ZNF789: variants seen among roughly 807,000 people sequenced by gnomAD.
The protein encoded by ZNF789 is zinc finger protein 789.
In ZNF789, 11 loss-of-function variants were observed where a neutral mutation model predicts 15.6. That is an observed-to-expected ratio of 0.70 (90% CI 0.44 to 1.16). The LOEUF (loss-of-function observed/expected upper bound fraction) is 1.16. ZNF789 is among the 50% of genes most tolerant of loss of function. ZNF789 has a pLI of 0.00. For synonymous variants in ZNF789, 159 were observed against 176.0 expected (o/e 0.90, Z 0.76); for missense variants, 461 against 512.6 (o/e 0.90, Z 0.97).
intron 4 of ZNF789, chr7:99,485,178 C>G (rs1341312667): frequency 3.9e-6 from 6 of 1,535,566 alleles, no homozygotes; most frequent in Non-Finnish European, 5.2e-6. Flanking sequence ...GACATATCTG[C>G]ATTTTTCTAC....
chr7:99,481,460 CTTCT>C (rs1436576606), intron 3 of ZNF789: 1 of 151,780 alleles, frequency 6.6e-6, no homozygotes, highest in African/African-American at 2.4e-5. Flanking sequence ...TTTTAGAGTG[CTTCT>C]TTTTTTTTTT....
chr7:99,478,449 G>A lies in ZNF789; in HGVS notation c.25-1212G>A. 6 of 1,019,356 alleles carry A rather than the reference G, an allele frequency of 5.9e-6. No homozygotes were observed. In the South Asian group the frequency reaches 7.9e-5, roughly 13 times the overall value. The allele number at this position is 1,019,356 out of a possible 1,614,324, so 63.1% of individuals were successfully genotyped here. On this transcript the variant is annotated intron_variant, in intron 2 of 4. Coordinates refer to ENST00000331410, the MANE Select transcript of ZNF789 (RefSeq NM_213603.3). Reference sequence around the variant, plus strand: ...ATTTGGGAGGTTCTGGTGCCTGCCTGCAGAGGGGAGCTACGTGAAGCTTCT... The same window carrying A: ...ATTTGGGAGGTTCTGGTGCCTGCCTACAGAGGGGAGCTACGTGAAGCTTCT...
chr7:99,476,351 C>T, intron 1 of ZNF789, 52 bp from the exon 2 acceptor site: 1 of 1,384,066 alleles, frequency 7.2e-7, no homozygotes, highest in Non-Finnish European at 9.9e-7. Context: ...GATCTGCCAA[C>T]CAAGAGAGCT....
At chr7:99,473,679 G>A (rs541842480) in intron 1 of ZNF789, among the ~76,000 whole-genome samples, 6 of 152,308 alleles carry the variant, frequency 3.9e-5, no homozygotes, top group South Asian at 2.1e-4. Flanking sequence ...GGAGTACAAT[G>A]GGCCAATCTC....
intron 3 of ZNF789, chr7:99,482,289 G>T: frequency 1.3e-6 from 1 of 769,116 alleles, no homozygotes; most frequent in South Asian, 1.4e-5. Context: ...TATGAACATT[G>T]TTCAGGCTTT....
chr7:99,484,626 AATAT>A (rs139088086), intron 4 of ZNF789, among the ~76,000 whole-genome samples: 1 of 151,006 alleles, frequency 6.6e-6, no homozygotes, highest in Non-Finnish European at 1.5e-5. Flanking sequence ...TCAATTAAAA[AATAT>A]ATATATATAT....
At chr7:99,476,289 G>T in intron 1 of ZNF789, 114 bp from the exon 2 acceptor site, 1 of 618,542 alleles carries the variant, frequency 1.6e-6, no homozygotes, top group East Asian at 3.2e-5. Flanking sequence ...ACCAAACACA[G>T]GGACTTTGTA....
chr7:99,487,444 T>A lies in ZNF789; in HGVS notation c.1234T>A (p.Phe412Ile), dbSNP rs1156662187. The change falls in exon 5 of 5, where the codon TTT becomes ATT. Residue 412 changes from phenylalanine to isoleucine, a missense_variant. Transcript: ENST00000331410. ...AAAATCTTTCAAGTGGCACACAAGC[T>A]TTATTAAGCACCAGGGCACTCACAA... ...CGKSFKWHTS[F>I]IKHQGTHKGQ... 6.2e-7 allele frequency: 1 copy of A among 1,614,202 alleles called. No homozygotes were observed. Among genetic ancestry groups the A allele is most frequent in the Admixed American group, 1.7e-5 (1 of 60,020 alleles).
intron 2 of ZNF789, chr7:99,478,279 G>T (rs1055247081): frequency 1.6e-6 from 2 of 1,289,110 alleles, no homozygotes; most frequent in African/African-American, 3.0e-5. Flanking sequence ...TGCAGGTGCG[G>T]GAATGCAGAT....
intron 4 of ZNF789, chr7:99,485,249 C>T: frequency 6.5e-7 from 1 of 1,532,836 alleles, no homozygotes. Context: ...CTCCATGGCA[C>T]TACTGACGTT....
intron 4 of ZNF789, among the ~76,000 whole-genome samples, chr7:99,484,352 G>A (rs555948724): frequency 5.3e-5 from 8 of 152,334 alleles, no homozygotes; most frequent in East Asian, 1.9e-4. Flanking sequence ...TTGGCTGGAC[G>A]CGGTGGCGCA....
At chr7:99,484,537 C>T (rs532727379) in intron 4 of ZNF789, among the ~76,000 whole-genome samples, 229 of 151,894 alleles carry the variant, frequency 1.5e-3, no homozygotes, top group African/African-American at 4.1e-3. Context: ...GGAGAATCAC[C>T]GGAACCTGGG....
intron 2 of ZNF789, chr7:99,478,205 G>C (rs1799432598): frequency 9.1e-7 from 1 of 1,102,504 alleles, no homozygotes; most frequent in African/African-American, 1.6e-5. Flanking sequence ...GTTAGGAGAG[G>C]AGTTACCATG....
intron 4 of ZNF789, among the ~76,000 whole-genome samples, chr7:99,484,416 A>G (rs1799806228): frequency 6.6e-6 from 1 of 152,094 alleles, no homozygotes; most frequent in Non-Finnish European, 1.5e-5. Context: ...TGAGGCCAGG[A>G]CTAGACCAGC....
intron 3 of ZNF789, 159 bp downstream of exon 3, chr7:99,479,946 G>A: frequency 1.0e-6 from 1 of 961,806 alleles, no homozygotes; most frequent in Middle Eastern, 2.9e-4. Context: ...CATCACCACA[G>A]TGAAACCTGA....
chr7:99,478,350 G>A (rs1294840385), intron 2 of ZNF789: 6 of 1,289,696 alleles, frequency 4.7e-6, no homozygotes, highest in Middle Eastern at 2.2e-4. Context: ...TGACACTCTG[G>A]ATAATGGTGA....
At chr7:99,485,897 T>A (rs1180492036) in intron 4 of ZNF789, among the ~76,000 whole-genome samples, 2 of 152,210 alleles carry the variant, frequency 1.3e-5, no homozygotes, top group Non-Finnish European at 2.9e-5. Context: ...CTAGAGTAAG[T>A]TGTTTTTCTA....
At chr7:99,482,681 CCT>C (rs2151065833) in intron 3 of ZNF789, among the ~76,000 whole-genome samples, 1 of 151,288 alleles carries the variant, frequency 6.6e-6, no homozygotes, top group South Asian at 2.1e-4. Context: ...ATGGAGAAAC[CCT>C]GTCTCTACTA....
At position 99,476,432 on chromosome 7, in the gene ZNF789, T is replaced by G. The variant is rs1305857699; in HGVS notation, c.-25T>G. ...GCCAGACGTCCAGGATCCCACCCCT[T>G]GCAAAAGACCAGGCCGTGGAAGCCA... On this transcript the variant is annotated 5_prime_UTR_variant, in exon 2 of 5. Coordinates refer to ENST00000331410, the MANE Select transcript of ZNF789 (RefSeq NM_213603.3). 2.1e-5 allele frequency: 33 copies of G among 1,606,168 alleles called. No individual in the cohort carries two copies. Among genetic ancestry groups the G allele is most frequent in the Non-Finnish European group, 2.7e-5 (32 of 1,176,952 alleles).
Sources: allele counts gnomAD v4.1 joint callset (sites outside exome capture counted in the v4.1 genomes callset), GRCh38; gene constraint gnomAD v4.1.1; transcripts MANE v1.5; gene names NCBI Gene and HGNC (gene_info 2026-07-23, HGNC 2026-07-21).